The following FBRS variants were observed in gnomAD, a reference collection of about 807,000 sequenced individuals.
FBRS encodes the protein fibrosin.
A neutral mutation model predicts 86.1 loss-of-function variants in FBRS; 15 were observed. That is an observed-to-expected ratio of 0.17 (90% CI 0.12 to 0.27). The LOEUF is 0.27. FBRS is among the 10% of genes least tolerant of loss of function. FBRS has a pLI of 1.00. For synonymous variants in FBRS, 666 were observed against 575.8 expected (o/e 1.16, Z -2.24); for missense variants, 1,367 against 1,301.6 (o/e 1.05, Z -0.77).
intron 6 of FBRS, among the ~76,000 whole-genome samples, chr16:30,663,783 T>C (rs1294288208): frequency 4.1e-4 from 63 of 152,220 alleles, no homozygotes; most frequent in Admixed American, 4.1e-3. Flanking sequence ...AGTGACTTGC[T>C]CAAGGTCACC....
chr16:30,670,014 C>CACCCT lies in FBRS; in HGVS notation c.*372_*373insCTACC, dbSNP rs2052577555. ...AGAGGCCAAAGTGCCCCCTCCCGTT[C>CACCCT]ACCTACCACCCAAGTCCTCATGCCC... On this transcript the variant is annotated 3_prime_UTR_variant, in exon 18 of 18. Coordinates refer to ENST00000356166, the MANE Select transcript of FBRS (RefSeq NM_001105079.3). 1 of 511,302 alleles carries CACCCT rather than the reference C, an allele frequency of 2.0e-6. No individual in the cohort carries two copies. The highest frequency in any genetic ancestry group is 1.6e-5 in the South Asian group (1 of 63,090). 31.7% of individuals were successfully genotyped at this position (511,302 alleles called of 1,614,324 possible).
rs987603897 is a variant in FBRS at position 30,666,522 on chromosome 16, A to G, written c.1784A>G (p.His595Arg). 1.9e-6 allele frequency: 3 copies of G among 1,613,896 alleles called. No homozygotes were observed. The highest frequency in any genetic ancestry group is 2.2e-5 in the South Asian group (2 of 91,068). ...CTTTGCCATCCCCAGATCCCCGACC[A>G]TTTCCGGCCACCTTTGAGGGTGAGT... is the stretch of plus-strand genomic sequence containing the variant. ...LSQKGTQIPD[H>R]FRPPLRKPGK... Residue 595 changes from histidine to arginine, a missense_variant, in exon 12 of 18, where the codon CAT (histidine) becomes CGT (arginine). By Grantham distance (29) the His-to-Arg change is conservative. Transcript: ENST00000356166.
chr16:30,659,887 CGAGGAGGAGCCT>C lies in FBRS; in HGVS notation c.379_390del (p.Pro127_Glu130del), dbSNP rs772435746. The C allele has an allele frequency of 1.1e-5, 17 of 1,548,234 alleles. No homozygotes were observed. Among genetic ancestry groups the C allele is most frequent in the East Asian group, 2.5e-5 (1 of 40,746 alleles). ...AGGGGGGCGCAGACGACGGCGAAGCCGAGGAGGAGCCTGAGGAGGAGGAAGAGGAGGAGGAGG... is the reference window on the plus strand; with the variant it reads ...AGGGGGGCGCAGACGACGGCGAAGCCGAGGAGGAGGAAGAGGAGGAGGAGG... On this transcript the variant is annotated inframe_deletion, in exon 1 of 18. Transcript: ENST00000356166.
chr16:30,669,878 G>T lies in FBRS; in HGVS notation c.*233G>T. 1 of 629,452 alleles carries T rather than the reference G, an allele frequency of 1.6e-6. No homozygotes were observed. The highest frequency in any genetic ancestry group is 2.7e-6 in the Non-Finnish European group (1 of 365,826). 39.0% of individuals were successfully genotyped at this position (629,452 alleles called of 1,614,324 possible). On this transcript the variant is annotated 3_prime_UTR_variant, in exon 18 of 18. Coordinates refer to ENST00000356166, the MANE Select transcript of FBRS (RefSeq NM_001105079.3). This position sits in a 1 kb window ranked among gnomAD's most constrained non-coding sequence, Gnocchi z 5.9. ...GCCTCTAGAGAAGGGAGAGGGGCGT[G>T]TGCATGGGAGTGTGGCTCATCTCGG... is the stretch of plus-strand genomic sequence containing the variant.
At chr16:30,668,305 C>G (rs1184811022) in intron 15 of FBRS, 5 of 474,362 alleles carry the variant, frequency 1.1e-5, no homozygotes, top group Non-Finnish European at 1.9e-5. Context: ...GTCATTTCAC[C>G]TCTCTGAGCC....
chr16:30,660,493 C>G lies in FBRS; in HGVS notation c.639+51C>G, dbSNP rs529805478. The G allele has an allele frequency of 2.4e-6, 3 of 1,255,546 alleles. No individual in the cohort carries two copies. In the East Asian group the frequency reaches 9.4e-5, roughly 40 times the overall value. 77.8% of individuals were successfully genotyped at this position (1,255,546 alleles called of 1,614,324 possible). A position where few individuals can be genotyped will look rare whatever the true frequency, so the allele number is the denominator to read the frequency against. On this transcript the variant is annotated intron_variant, in intron 2 of 17. Coordinates refer to ENST00000356166, the MANE Select transcript of FBRS (RefSeq NM_001105079.3). ...AGGCAGAATGTATTTCCCACAGCCC[C>G]GTTTTTCATCAGCAACGCCACTGCC... is the stretch of plus-strand genomic sequence containing the variant.
chr16:30,661,286 G>A lies in FBRS; in HGVS notation c.676-18G>A, dbSNP rs752212935. 8.5e-5 allele frequency: 132 copies of A among 1,550,708 alleles called. No individual in the cohort carries two copies. The Middle Eastern group carries it at 1.8e-3, about 21-fold the overall frequency. On this transcript the variant is annotated intron_variant, in intron 3 of 17. Transcript: ENST00000356166. ...GCCTCTTCCCTCTCGTGACACCTCTGTCTTTCCTTCTCCCCAGTGTGACGC... is the reference window on the plus strand; with the variant it reads ...GCCTCTTCCCTCTCGTGACACCTCTATCTTTCCTTCTCCCCAGTGTGACGC...
rs2052416358 is a variant in FBRS, at chr16:30,658,815, C to G, written c.-704C>G. On this transcript the variant is annotated 5_prime_UTR_variant, in exon 1 of 18. Coordinates refer to ENST00000356166, the MANE Select transcript of FBRS (RefSeq NM_001105079.3). The stretch of plus-strand genomic sequence containing the variant: ...CCACTGAACTCGGCGGACTGCAACG[C>G]CAGCCTTAAAGGGGAAGCCGCCGAG... 2 of 152,162 alleles carry G rather than the reference C, an allele frequency of 1.3e-5. No individual in the cohort carries two copies. Among genetic ancestry groups the G allele is most frequent in the South Asian group, 2.1e-4 (1 of 4,828 alleles). The allele number at this position is 152,162 out of a possible 1,614,324, so 9.4% of individuals were successfully genotyped here.
At chr16:30,666,263 C>T (rs2052521270) in intron 11 of FBRS, 1 of 595,680 alleles carries the variant, frequency 1.7e-6, no homozygotes, top group Non-Finnish European at 3.0e-6. Flanking sequence ...CCTGTCCTGC[C>T]TGCCCCCTCA....
chr16:30,664,560 G>A (rs889718662), intron 7 of FBRS, 44 bp downstream of exon 7: 8 of 1,427,670 alleles, frequency 5.6e-6, no homozygotes, highest in East Asian at 5.1e-5. Flanking sequence ...CCATCACCCC[G>A]GGCTCGGGCC....
Position 30,662,567 on chromosome 16 carries a change from C to A in FBRS, c.763C>A (p.Pro255Thr). The A allele has an allele frequency of 1.9e-6, 3 of 1,542,930 alleles. No individual in the cohort carries two copies. Among genetic ancestry groups the A allele is most frequent in the Non-Finnish European group, 2.6e-6 (3 of 1,141,562 alleles). The change falls in exon 6 of 18, where the codon CCC becomes ACC. Residue 255 changes from proline (P) to threonine (T), a missense_variant. Pro to Thr is a conservative substitution (Grantham distance 38, BLOSUM62 -1). Coordinates refer to ENST00000356166, the MANE Select transcript of FBRS (RefSeq NM_001105079.3). The part of the protein sequence containing the change: ...FTVSTSKASG[P>T]HGAFNGNCEA... ...GCCATCCTGCCCCACAGCCTCGGGC[C>A]CCCACGGCGCCTTCAATGGGAACTG...
Position 30,664,751 on chromosome 16 carries a change from A to G in FBRS, c.1394A>G (p.Tyr465Cys), listed in dbSNP as rs1362392004. ...DLIGQDLNSRYLNAQGGPEVV... is the reference protein window; with the variant it reads ...DLIGQDLNSRCLNAQGGPEVV... ...ATCGGCCAGGACCTGAACTCTCGCTACCTGAATGCCCAGGGTGGCCCTGAG... is the reference window on the plus strand; with the variant it reads ...ATCGGCCAGGACCTGAACTCTCGCTGCCTGAATGCCCAGGGTGGCCCTGAG... Residue 465 changes from tyrosine (Y) to cysteine (C), a missense_variant, in exon 8 of 18, where the codon TAC becomes TGC. Physicochemically the swap from Tyr to Cys is radical, Grantham distance 194. Around this residue, in one of 3 missense-constraint regions of FBRS, gnomAD observed 702 missense variants for 598.7 expected, o/e 1.17. Coordinates refer to ENST00000356166, the MANE Select transcript of FBRS (RefSeq NM_001105079.3). 12 of 1,550,498 alleles carry G rather than the reference A, an allele frequency of 7.7e-6. No individual in the cohort carries two copies. Among genetic ancestry groups the G allele is most frequent in the Non-Finnish European group, 1.0e-5 (12 of 1,146,424 alleles).
At position 30,659,329 on chromosome 16, in the gene FBRS, C is replaced by CCGGGGG. The variant is rs2052424379; in HGVS notation, c.-186_-181dup. ...AGGGGGGGCCCTCGGGCTTGTCGCC[C>CCGGGGG]CGGGGGCGGCGCCGGCTCCCCGGGC... On this transcript the variant is annotated 5_prime_UTR_variant, in exon 1 of 18. Transcript: ENST00000356166. 1 of 191,750 alleles carries CCGGGGG rather than the reference C, an allele frequency of 5.2e-6. No individual in the cohort carries two copies. Among genetic ancestry groups the CCGGGGG allele is most frequent in the Admixed American group, 6.1e-5 (1 of 16,468 alleles). The allele number at this position is 191,750 out of a possible 1,614,324, so 11.9% of individuals were successfully genotyped here.
intron 4 of FBRS, 122 bp from the exon 5 acceptor site, chr16:30,662,298 A>G (rs1368563406): frequency 1.4e-6 from 2 of 1,441,728 alleles, no homozygotes; most frequent in Non-Finnish European, 1.9e-6. Flanking sequence ...TCTCAGCTAA[A>G]CTGAAGGAAC....
In FBRS at chr16:30,668,573, T is replaced by C; in HGVS notation, c.2088T>C (p.Arg696=). The C allele has an allele frequency of 6.2e-7, 1 of 1,611,752 alleles. No homozygotes were observed. Among genetic ancestry groups the C allele is most frequent in the Non-Finnish European group, 8.5e-7 (1 of 1,178,728 alleles). Residue 696 remains arginine (R), a synonymous_variant, in exon 16 of 18, where the codon CGT becomes CGC. Coordinates refer to ENST00000356166, the MANE Select transcript of FBRS (RefSeq NM_001105079.3). ...TTCCTCCCACAGATCCCTTTGGGCG[T>C]CCCACAAGCTTCGCCTCTTTGGCTG... ...SPSTHIDPFG[R]PTSFASLAAL... is the part of the protein sequence containing the mutation.
At position 30,659,842 on chromosome 16, in the gene FBRS, AGAGGAG is replaced by A. The variant is rs746156246; in HGVS notation, c.341_346del (p.Glu114_Glu115del). 9.2e-4 allele frequency: 1,403 copies of A among 1,517,890 alleles called. 2 individuals carry two copies. The highest frequency in any genetic ancestry group is 1.5e-3 in the African/African-American group (106 of 72,072). 94.0% of individuals were successfully genotyped at this position (1,517,890 alleles called of 1,614,324 possible). The stretch of plus-strand genomic sequence containing the variant: ...CCGGCTCGGGCAGCCGCGGGGAGGA[AGAGGAG>A]GAGGAGGAGGAGGAGGGGGGCGCAG... On this transcript the variant is annotated inframe_deletion, in exon 1 of 18. Transcript: ENST00000356166.
Position 30,664,470 on chromosome 16 carries a change from G to A in FBRS, c.1311G>A (p.Leu437=). 7.4e-7 allele frequency: 1 copy of A among 1,354,898 alleles called. No individual in the cohort carries two copies. Among genetic ancestry groups the A allele is most frequent in the African/African-American group, 1.6e-5 (1 of 62,344 alleles). 83.9% of individuals were successfully genotyped at this position (1,354,898 alleles called of 1,614,324 possible). The change falls in exon 7 of 18, where the codon CTG becomes CTA. Residue 437 remains leucine, a synonymous_variant. Transcript: ENST00000356166. Reference sequence around the variant, plus strand: ...CCCTGCCCCCACCCCCACCCCTGCTGCAGGTGCCAGGGCACCCTGGGGCCT... The same window carrying A: ...CCCTGCCCCCACCCCCACCCCTGCTACAGGTGCCAGGGCACCCTGGGGCCT... ...GPTLPPPPPL[L]QVPGHPGASA... is the part of the protein sequence containing the mutation.
Position 30,665,965 on chromosome 16 carries a change from CA to C in FBRS, c.1773+263del. ...GTTTTCAAACTTTTTAATAAAGTTA[CA>C]AAACACTTTTTTTCCAAATGACATC... On this transcript the variant is annotated intron_variant, in intron 11 of 17. Coordinates refer to ENST00000356166, the MANE Select transcript of FBRS (RefSeq NM_001105079.3). The surrounding 1 kb of genome is among the most constrained non-coding windows in gnomAD (Gnocchi z 4.1). 1 of 503,256 alleles carries C rather than the reference CA, an allele frequency of 2.0e-6. No homozygotes were observed. The highest frequency in any genetic ancestry group is 3.5e-6 in the Non-Finnish European group (1 of 285,794). 31.2% of individuals were successfully genotyped at this position (503,256 alleles called of 1,614,324 possible). A position where few individuals can be genotyped will look rare whatever the true frequency, so the allele number is the denominator to read the frequency against.
chr16:30,661,235 C>G lies in FBRS; in HGVS notation c.675+20C>G. On this transcript the variant is annotated intron_variant, in intron 3 of 17. Coordinates refer to ENST00000356166, the MANE Select transcript of FBRS (RefSeq NM_001105079.3). ...TACATAGTAAGTGCTATCCACCTGT[C>G]CTGGCCCCTCCCTGCTCCACCCTGG... 1 of 1,550,874 alleles carries G rather than the reference C, an allele frequency of 6.4e-7. No homozygotes were observed. Among genetic ancestry groups the G allele is most frequent in the Non-Finnish European group, 8.7e-7 (1 of 1,147,070 alleles).
Sources: allele counts gnomAD v4.1 joint callset (sites outside exome capture counted in the v4.1 genomes callset), GRCh38; gene constraint gnomAD v4.1.1; regional missense constraint gnomAD v4.1.1; non-coding constraint Gnocchi (gnomAD v3.1); transcripts MANE v1.5; gene names NCBI Gene and HGNC (gene_info 2026-07-23, HGNC 2026-07-21).